ARHGAP24: variants seen among roughly 807,000 people sequenced by gnomAD.
ARHGAP24 encodes Rho GTPase activating protein 24.
ARHGAP24 carries 50 observed loss-of-function variants against 76.4 expected under a neutral mutation model. The observed-to-expected ratio is 0.65, with a 90% CI of 0.52 to 0.83. The LOEUF (loss-of-function observed/expected upper bound fraction) is 0.83, where lower values mean the gene tolerates loss of function less well. Ranked by LOEUF, ARHGAP24 falls within the 40% of genes least tolerant of loss-of-function variation. The pLI is 0.00. For synonymous variants in ARHGAP24, 345 were observed against 323.3 expected, an observed-to-expected ratio of 1.07 and a Z score of -0.72; for missense variants, 930 against 914.2, an observed-to-expected ratio of 1.02 and a Z score of -0.22.
chr4:85,734,275 G>GTGTTT (rs967374656), intron 3 of ARHGAP24, among the ~76,000 whole-genome samples: 31 of 152,256 alleles, frequency 2.0e-4, no homozygotes, highest in East Asian at 1.9e-3. Flanking sequence ...TTTACTCTTA[G>GTGTTT]TGTTTTGTTT....
chr4:85,727,620 C>T (rs967354302), intron 3 of ARHGAP24, among the ~76,000 whole-genome samples: 12 of 152,098 alleles, frequency 7.9e-5, no homozygotes, highest in African/African-American at 2.4e-4. Flanking sequence ...CTTTCATTAC[C>T]GAGTATACAT....
intron 1 of ARHGAP24, among the ~76,000 whole-genome samples, chr4:85,564,375 A>C (rs1726723443): frequency 1.4e-5 from 2 of 147,038 alleles, no homozygotes; most frequent in Admixed American, 6.7e-5. Flanking sequence ...GGGGAACATC[A>C]CACACCGGGG....
At chr4:85,774,244 G>A (rs1279920514) in intron 3 of ARHGAP24, among the ~76,000 whole-genome samples, 1 of 152,166 alleles carries the variant, frequency 6.6e-6, no homozygotes, top group Non-Finnish European at 1.5e-5. Context: ...AGGTAATTAG[G>A]AAGCAGTAGG....
intron 1 of ARHGAP24, among the ~76,000 whole-genome samples, chr4:85,501,743 A>G (rs544738297): frequency 1.3e-5 from 2 of 151,982 alleles, no homozygotes; most frequent in East Asian, 3.9e-4. Flanking sequence ...CCATTTGTCT[A>G]TTTTGGCTTT....
At chr4:85,696,213 GATT>G (rs1723859928) in intron 2 of ARHGAP24, among the ~76,000 whole-genome samples, 1 of 150,672 alleles carries the variant, frequency 6.6e-6, no homozygotes, top group African/African-American at 2.4e-5. Flanking sequence ...ATTTCTTCCT[GATT>G]CATCATCAGC....
chr4:85,631,997 A>G (rs1163487286), intron 2 of ARHGAP24, among the ~76,000 whole-genome samples: 1 of 152,208 alleles, frequency 6.6e-6, no homozygotes, highest in Non-Finnish European at 1.5e-5. Flanking sequence ...TTTTGTATCC[A>G]TAGATCCAAT....
intron 1 of ARHGAP24, among the ~76,000 whole-genome samples, chr4:85,506,371 A>G (rs999226253): frequency 6.6e-6 from 1 of 152,224 alleles, no homozygotes; most frequent in Non-Finnish European, 1.5e-5. Context: ...TAGAGGCAGT[A>G]TACCTTGCTG....
chr4:85,505,675 C>T (rs1158645843), intron 1 of ARHGAP24, among the ~76,000 whole-genome samples: 4 of 152,110 alleles, frequency 2.6e-5, no homozygotes, highest in South Asian at 2.1e-4. Flanking sequence ...AGGACATGCT[C>T]CTTCAGCTCA....
intron 1 of ARHGAP24, among the ~76,000 whole-genome samples, chr4:85,501,294 T>C (rs1023392849): frequency 1.6e-4 from 24 of 152,312 alleles, no homozygotes; most frequent in South Asian, 4.1e-4. Flanking sequence ...TTTGAGGAAT[T>C]GCCACACTGT....
At chr4:85,552,647 A>C (rs1358864137) in intron 1 of ARHGAP24, among the ~76,000 whole-genome samples, 2 of 152,078 alleles carry the variant, frequency 1.3e-5, no homozygotes, top group African/African-American at 4.8e-5. Context: ...ATTGTGTAGA[A>C]ATCTTACTCT....
At chr4:85,676,474 T>C (rs536130416) in intron 2 of ARHGAP24, among the ~76,000 whole-genome samples, 24 of 152,208 alleles carry the variant, frequency 1.6e-4, no homozygotes, top group African/African-American at 5.5e-4. Flanking sequence ...TGCAGCTCAG[T>C]TGGGGCTTGG....
intron 2 of ARHGAP24, among the ~76,000 whole-genome samples, chr4:85,660,484 G>A (rs75333898): frequency 0.028 from 4,295 of 152,128 alleles, 189 homozygotes; most frequent in African/African-American, 0.097. Context: ...GGAAGGGAGA[G>A]GAATTGGCTG....
chr4:85,667,444 T>C (rs887285919), intron 2 of ARHGAP24, among the ~76,000 whole-genome samples: 1 of 152,184 alleles, frequency 6.6e-6, no homozygotes, highest in Non-Finnish European at 1.5e-5. Context: ...TGACCCCTTG[T>C]GCTTCCTGAG....
intron 1 of ARHGAP24, among the ~76,000 whole-genome samples, chr4:85,523,290 A>C (rs2110112249): frequency 6.6e-6 from 1 of 152,300 alleles, no homozygotes; most frequent in Non-Finnish European, 1.5e-5. Context: ...TTTGATGAGA[A>C]CTGAAGTACT....
intron 4 of ARHGAP24, among the ~76,000 whole-genome samples, chr4:85,928,407 C>A (rs1736135734): frequency 6.6e-6 from 1 of 151,990 alleles, no homozygotes; most frequent in Non-Finnish European, 1.5e-5. Flanking sequence ...AGTGTCTAGT[C>A]CGGAATCTGA....
At chr4:85,981,421 T>G (rs1284675101) in intron 8 of ARHGAP24, among the ~76,000 whole-genome samples, 1 of 152,180 alleles carries the variant, frequency 6.6e-6, no homozygotes, top group East Asian at 1.9e-4. Flanking sequence ...TATTAACAAA[T>G]CTATAGTATC....
intron 3 of ARHGAP24, among the ~76,000 whole-genome samples, chr4:85,908,922 C>A (rs1048615504): frequency 2.0e-5 from 3 of 151,760 alleles, no homozygotes; most frequent in Non-Finnish European, 4.4e-5. Context: ...ATGTTGTAAA[C>A]CATCAAGGGT....
At chr4:85,941,926 T>C in intron 4 of ARHGAP24, 140 bp from the exon 5 acceptor site, 1 of 827,998 alleles carries the variant, frequency 1.2e-6, no homozygotes, top group South Asian at 1.6e-5. Flanking sequence ...TTTGATTGTA[T>C]AATAATGTGA....
intron 2 of ARHGAP24, among the ~76,000 whole-genome samples, chr4:85,645,302 G>A (rs2109974709): frequency 6.6e-6 from 1 of 152,194 alleles, no homozygotes; most frequent in South Asian, 2.1e-4. Context: ...AAATTTTCAG[G>A]ATAAATTGAA....
Sources: gnomAD v4.1 joint callset for allele counts (sites outside exome capture counted in the v4.1 genomes callset) on GRCh38, gnomAD v4.1.1 for gene constraint, MANE v1.5 for transcripts, NCBI Gene and HGNC (gene_info 2026-07-23, HGNC 2026-07-21) for gene names.